The following DNAH2 variants were observed in gnomAD, a reference collection of about 807,000 sequenced individuals.
DNAH2 encodes axonemal beta dynein heavy chain 2.
DNAH2 carries 323 observed loss-of-function variants against 523.5 expected under a neutral mutation model. That is an observed-to-expected ratio of 0.62 (90% CI 0.56 to 0.68). The LOEUF (loss-of-function observed/expected upper bound fraction) is 0.68. Among genes scored for constraint, DNAH2 ranks in the 30% least tolerant of loss-of-function variants. The pLI is 0.00. For synonymous variants in DNAH2, 2,093 were observed against 2,177.4 expected (o/e 0.96, Z 1.08); for missense variants, 4,907 against 5,701.5 (o/e 0.86, Z 4.49).
At chr17:7,734,924 A>C (rs1479057644) in intron 7 of DNAH2, among the ~76,000 whole-genome samples, 2 of 151,776 alleles carry the variant, frequency 1.3e-5, no homozygotes, top group Non-Finnish European at 2.9e-5. Flanking sequence ...ATATACATCA[A>C]GTACCTTCTG....
chr17:7,723,518 C>T (rs1410415138), intron 2 of DNAH2, 110 bp from the exon 3 acceptor site: 8 of 832,734 alleles, frequency 9.6e-6, no homozygotes, highest in African/African-American at 3.3e-5. Context: ...GTGATCCTCC[C>T]GCCTAGTACT....
chr17:7,787,053 C>G lies in DNAH2; in HGVS notation c.6603+20C>G, dbSNP rs2076758887. ...GAGCAGGTCAGGGACGCGGCTGACT[C>G]CTGGAGGCCTGCAGAGGCAGGCACC... On this transcript the variant is annotated intron_variant, in intron 42 of 85. Transcript: ENST00000572933. 1 of 1,612,874 alleles carries G rather than the reference C, an allele frequency of 6.2e-7. No homozygotes were observed. The highest frequency in any genetic ancestry group is 2.2e-5 in the East Asian group (1 of 44,850).
In DNAH2 at chr17:7,778,516, C is replaced by T. The variant is rs139265654; in HGVS notation, c.5541+47C>T. ...GCCAGAAGCCCCTTAAATACCTTTT[C>T]GTCCCAGAAAATAAACTGAAACCCA... On this transcript the variant is annotated intron_variant, in intron 35 of 85. Transcript: ENST00000572933. 3.1e-5 allele frequency: 48 copies of T among 1,528,498 alleles called. No individual in the cohort carries two copies. The East Asian group carries it at 4.4e-4, about 14-fold the overall frequency. The allele number at this position is 1,528,498 out of a possible 1,614,324, so 94.7% of individuals were successfully genotyped here.
chr17:7,804,221 C>G (rs756512469), intron 58 of DNAH2, 35 bp from the exon 59 acceptor site: 1 of 1,609,150 alleles, frequency 6.2e-7, no homozygotes. Context: ...CCGGAAGCCC[C>G]GCCTCTCCAC....
Position 7,833,613 on chromosome 17 carries a change from C to A in DNAH2, c.*80C>A. ...ACAGATGTTGCACCTAGGACTGAGG[C>A]CGGACCTCACTCAGACTTTGACCTT... On this transcript the variant is annotated 3_prime_UTR_variant, in exon 86 of 86. Transcript: ENST00000572933. The A allele has an allele frequency of 1.9e-6, 3 of 1,584,116 alleles. No individual in the cohort carries two copies. Among genetic ancestry groups the A allele is most frequent in the Non-Finnish European group, 2.6e-6 (3 of 1,167,372 alleles).
intron 21 of DNAH2, among the ~76,000 whole-genome samples, chr17:7,766,077 C>G (rs147139769): frequency 6.6e-6 from 1 of 151,986 alleles, no homozygotes; most frequent in African/African-American, 2.4e-5. Flanking sequence ...GCGCCCGGCC[C>G]GCATTTCTAC....
At position 7,766,461 on chromosome 17, in the gene DNAH2, G is replaced by A. The variant is rs1390266510; in HGVS notation, c.3655G>A (p.Asp1219Asn). 2 of 1,613,838 alleles carry A rather than the reference G, an allele frequency of 1.2e-6. No homozygotes were observed. The highest frequency in any genetic ancestry group is 4.5e-5 in the East Asian group (2 of 44,868). Residue 1219 changes from aspartate to asparagine, a missense_variant, in exon 22 of 86, where the codon GAC becomes AAC. Asp to Asn is a conservative substitution (Grantham distance 23, BLOSUM62 1). This residue lies in a region of DNAH2 where 2,806 missense variants were observed against 3,190.8 expected (regional missense o/e 0.88). Transcript: ENST00000572933. Reference protein sequence around the residue: ...IFKIEQPPSKDLQNLEKELDA... With the variant: ...IFKIEQPPSKNLQNLEKELDA... ...CAAGATCGAGCAGCCACCCTCCAAG[G>A]ACCTTCAGAACCTGGAGAAGGTGGT...
chr17:7,787,809 A>C, intron 42 of DNAH2, 51 bp from the exon 43 acceptor site: 1 of 1,548,412 alleles, frequency 6.5e-7, no homozygotes, highest in South Asian at 1.2e-5. Context: ...ATTATTCCTG[A>C]AGGTGGGGGA....
intron 77 of DNAH2, 131 bp from the exon 78 acceptor site, chr17:7,830,169 T>TAAAAAA: frequency 8.8e-6 from 8 of 911,804 alleles, no homozygotes; most frequent in South Asian, 3.7e-5. Flanking sequence ...ACGGCTACAT[T>TAAAAAA]TCAGCCTCCA....
rs765067909 is a variant in DNAH2, at chr17:7,807,629, G to A, written c.9729+43G>A. 3.2e-6 allele frequency: 5 copies of A among 1,547,348 alleles called. No individual in the cohort carries two copies. The highest frequency in any genetic ancestry group is 2.2e-5 in the South Asian group (2 of 89,758). On this transcript the variant is annotated intron_variant, in intron 63 of 85. Coordinates refer to ENST00000572933, the MANE Select transcript of DNAH2 (RefSeq NM_020877.5). The surrounding 1 kb of genome is among the most constrained non-coding windows in gnomAD (Gnocchi z 5.6). ...CCTTTCCACGGAGGTCCCTCTCCCTGAGTTCTGGATTGCTTCATTAAGCAT... is the reference window on the plus strand; with the variant it reads ...CCTTTCCACGGAGGTCCCTCTCCCTAAGTTCTGGATTGCTTCATTAAGCAT...
chr17:7,755,445 A>C (rs146444421), intron 12 of DNAH2, among the ~76,000 whole-genome samples: 88 of 152,306 alleles, frequency 5.8e-4, no homozygotes, highest in African/African-American at 1.8e-3. Context: ...AGACTAAAGA[A>C]TGAGACAAAG....
Position 7,770,749 on chromosome 17 carries a change from T to C in DNAH2, c.4182-4T>C. On this transcript the variant is annotated splice_region_variant and splice_polypyrimidine_tract_variant and intron_variant, in intron 26 of 85. Coordinates refer to ENST00000572933, the MANE Select transcript of DNAH2 (RefSeq NM_020877.5). ...AACTATGATTTTGACCCCTTGTGTC[T>C]CAGAGGTACAGAAGAAGTATTCCAG... 1 of 1,614,156 alleles carries C rather than the reference T, an allele frequency of 6.2e-7. No individual in the cohort carries two copies. Among genetic ancestry groups the C allele is most frequent in the Non-Finnish European group, 8.5e-7 (1 of 1,180,014 alleles).
At chr17:7,740,065 C>CT (rs1703947554) in intron 9 of DNAH2, 127 bp downstream of exon 9, 3 of 493,126 alleles carry the variant, frequency 6.1e-6, no homozygotes, top group Admixed American at 7.3e-5. Context: ...GGGCGGTGGC[C>CT]CGGGGGGGGG....
intron 77 of DNAH2, among the ~76,000 whole-genome samples, chr17:7,829,331 T>G (rs1597795159): frequency 6.6e-6 from 1 of 152,118 alleles, no homozygotes; most frequent in Non-Finnish European, 1.5e-5. Context: ...TTACTCTTAT[T>G]GCATCTCCAT....
Position 7,792,273 on chromosome 17 carries a change from G to A in DNAH2, c.7075G>A (p.Val2359Met). ...PNKDTVYEYFVDPKIRSWTSF... is the reference protein window; with the variant it reads ...PNKDTVYEYFMDPKIRSWTSF... ...TTAGGACACGGTATATGAGTATTTT[G>A]TGGACCCCAAAATACGGAGTTGGAC... The change falls in exon 46 of 86, where the codon GTG becomes ATG. Residue 2359 changes from valine to methionine, a missense_variant. Physicochemically the swap from Val to Met is conservative, Grantham distance 21. Around this residue, in one of 3 missense-constraint regions of DNAH2, gnomAD observed 2,806 missense variants for 3,190.8 expected, o/e 0.88. Transcript: ENST00000572933. The A allele has an allele frequency of 3.1e-6, 5 of 1,614,030 alleles. No individual in the cohort carries two copies. Among genetic ancestry groups the A allele is most frequent in the Non-Finnish European group, 4.2e-6 (5 of 1,179,998 alleles).
At chr17:7,758,318 A>T (rs2075901051) in intron 13 of DNAH2, among the ~76,000 whole-genome samples, 177 bp from the exon 14 acceptor site, 1 of 152,006 alleles carries the variant, frequency 6.6e-6, no homozygotes, top group Non-Finnish European at 1.5e-5. Flanking sequence ...TTTTGCACCA[A>T]CCTAAGAGAA....
At chr17:7,721,061 T>C (rs1041930424) in intron 2 of DNAH2, among the ~76,000 whole-genome samples, 1 of 145,992 alleles carries the variant, frequency 6.8e-6, no homozygotes, top group Non-Finnish European at 1.5e-5. Context: ...CAGCCTGGAG[T>C]GCATTGGCAT....
intron 64 of DNAH2, 133 bp from the exon 65 acceptor site, chr17:7,817,157 C>A: frequency 8.0e-7 from 1 of 1,256,142 alleles, no homozygotes; most frequent in African/African-American, 1.5e-5. Flanking sequence ...GTTGTCAGGA[C>A]ACACAGGTTT....
Position 7,831,581 on chromosome 17 carries a change from G to A in DNAH2, c.12611+40G>A. On this transcript the variant is annotated intron_variant, in intron 81 of 85. Coordinates refer to ENST00000572933, the MANE Select transcript of DNAH2 (RefSeq NM_020877.5). This position sits in a 1 kb window ranked among gnomAD's most constrained non-coding sequence, Gnocchi z 4.2. ...GACTCTGCGGAACAGGGGAGGGTGT[G>A]AGGAGAAGCCTTTGCCTTCTGGCTA... 1.2e-6 allele frequency: 2 copies of A among 1,613,840 alleles called. No homozygotes were observed. Among genetic ancestry groups the A allele is most frequent in the South Asian group, 2.2e-5 (2 of 91,054 alleles).
Sources: allele counts gnomAD v4.1 joint callset (sites outside exome capture counted in the v4.1 genomes callset), GRCh38; gene constraint gnomAD v4.1.1; regional missense constraint gnomAD v4.1.1; non-coding constraint Gnocchi (gnomAD v3.1); transcripts MANE v1.5; gene names NCBI Gene and HGNC (gene_info 2026-07-23, HGNC 2026-07-21).